C2CD3: variants seen among roughly 807,000 people sequenced by gnomAD.
C2CD3 encodes the protein C2 domain-containing protein 3.
C2CD3 carries 148 observed loss-of-function variants against 234.0 expected under a neutral mutation model. The ratio of observed to expected loss-of-function variants is 0.63; its 90% confidence interval spans 0.55 to 0.72. The LOEUF (loss-of-function observed/expected upper bound fraction) is 0.72, where lower values mean the gene tolerates loss of function less well. Ranked by LOEUF, C2CD3 falls within the 30% of genes least tolerant of loss-of-function variation. The probability of loss-of-function intolerance (pLI) is 0.00; values close to 1 mark genes in which losing one functional copy is unlikely to be tolerated. For missense variants in C2CD3, 2,577 were observed against 2,811.5 expected (o/e 0.92, Z 1.89); for synonymous variants, 1,000 against 1,035.4 (o/e 0.97, Z 0.66).
chr11:74,071,609 CAA>C (rs1396891880), intron 24 of C2CD3, among the ~76,000 whole-genome samples: 1 of 152,110 alleles, frequency 6.6e-6, no homozygotes, highest in East Asian at 1.9e-4. Context: ...CTGCTCGTGG[CAA>C]GGATTAAAGG....
At chr11:74,158,048 G>C (rs1157630808) in intron 3 of C2CD3, among the ~76,000 whole-genome samples, 4 of 152,190 alleles carry the variant, frequency 2.6e-5, no homozygotes, top group Non-Finnish European at 5.9e-5. Context: ...AAGTGGACTA[G>C]ACTTAAATGT....
chr11:74,025,756 C>A (rs1726755), intron 32 of C2CD3, among the ~76,000 whole-genome samples: 6,166 of 152,058 alleles, frequency 0.041, 412 homozygotes, highest in African/African-American at 0.14. Flanking sequence ...CTGCTTTTTT[C>A]CTCTAGGGTA....
chr11:74,060,239 C>T (rs1169493822), intron 24 of C2CD3, among the ~76,000 whole-genome samples: 26 of 152,326 alleles, frequency 1.7e-4, no homozygotes, highest in Admixed American at 1.4e-3. Context: ...CAGACTTAAA[C>T]GTCCCTGTCT....
Position 74,117,213 on chromosome 11 carries a change from A to AAT in C2CD3, c.1520+1013_1520+1014dup, listed in dbSNP as rs375646749. Among the ~76,000 whole-genome samples the AAT allele has an allele frequency of 2.8e-4, 20 of 70,594 alleles. 3 individuals are homozygous for AAT. The highest frequency in any genetic ancestry group is 2.1e-3 in the African/African-American group (20 of 9,352). 46.3% of individuals were successfully genotyped at this position (70,594 alleles called of 152,430 possible). ...ATATATATATGAATATATATATATGAATATATATATATGAATATATATATA... is the reference window on the plus strand; with the variant it reads ...ATATATATATGAATATATATATATGAATATATATATATATGAATATATATATA... On this transcript the variant is annotated intron_variant, in intron 9 of 32. Coordinates refer to ENST00000334126, the MANE Select transcript of C2CD3 (RefSeq NM_001286577.2).
At chr11:74,026,376 A>G (rs1461892656) in intron 32 of C2CD3, among the ~76,000 whole-genome samples, 4 of 152,042 alleles carry the variant, frequency 2.6e-5, no homozygotes, top group African/African-American at 9.7e-5. Flanking sequence ...AAATAAAATG[A>G]GACATCTTGA....
Position 74,078,629 on chromosome 11 carries a change from C to T in C2CD3, c.4089G>A (p.Leu1363=), listed in dbSNP as rs138474508. 1.3e-5 allele frequency: 21 copies of T among 1,614,088 alleles called. No individual in the cohort carries two copies. In the African/African-American group the frequency reaches 2.5e-4, roughly 19 times the overall value. The change falls in exon 23 of 33, where the codon CTG becomes CTA. Residue 1363 remains leucine, a synonymous_variant. Coordinates refer to ENST00000334126, the MANE Select transcript of C2CD3 (RefSeq NM_001286577.2). ...GATGCGTGAAGGAAATCGAAAGCTC[C>T]AGACCACCCACGATCTTCTGCATGA... is the stretch of plus-strand genomic sequence containing the variant. ...LELMQKIVGG[L]ELSISFTHRG...
At chr11:74,025,224 C>A (rs756255776) in intron 32 of C2CD3, among the ~76,000 whole-genome samples, 15 of 152,062 alleles carry the variant, frequency 9.9e-5, no homozygotes, top group Non-Finnish European at 1.8e-4. Context: ...TAAAATCCAA[C>A]TGGCTAGAAA....
At chr11:74,047,432 G>A (rs1953436976) in intron 28 of C2CD3, among the ~76,000 whole-genome samples, 2 of 152,128 alleles carry the variant, frequency 1.3e-5, no homozygotes, top group Admixed American at 1.3e-4. Flanking sequence ...AGATAACAAA[G>A]GAATTATCTA....
At chr11:74,141,447 T>C (rs1453381695) in intron 3 of C2CD3, among the ~76,000 whole-genome samples, 1 of 152,204 alleles carries the variant, frequency 6.6e-6, no homozygotes, top group African/African-American at 2.4e-5. Flanking sequence ...AGACTGCCTC[T>C]GCATTCTAGA....
chr11:74,144,434 TAC>T (rs1192199844), intron 3 of C2CD3, among the ~76,000 whole-genome samples: 1 of 151,898 alleles, frequency 6.6e-6, no homozygotes, highest in African/African-American at 2.4e-5. Flanking sequence ...ACACAATATG[TAC>T]AGTTTTTCTT....
chr11:74,109,231 G>C, intron 11 of C2CD3, 79 bp from the exon 12 acceptor site: 1 of 701,202 alleles, frequency 1.4e-6, no homozygotes, highest in Non-Finnish European at 2.4e-6. Context: ...GATACCACCT[G>C]CCTCCCTTTC....
At chr11:74,162,805 TCA>T (rs1029254300) in intron 2 of C2CD3, among the ~76,000 whole-genome samples, 5 of 152,226 alleles carry the variant, frequency 3.3e-5, no homozygotes, top group African/African-American at 1.2e-4. Flanking sequence ...GCAACAAATC[TCA>T]GTTTTCATTC....
intron 25 of C2CD3, among the ~76,000 whole-genome samples, chr11:74,056,078 T>C (rs1285920233): frequency 1.3e-5 from 2 of 152,182 alleles, no homozygotes; most frequent in Non-Finnish European, 2.9e-5. Flanking sequence ...TCACTATAGA[T>C]AGCACTGAGT....
Position 74,109,162 on chromosome 11 carries a change from G to A in C2CD3, c.1844-10C>T. On this transcript the variant is annotated splice_polypyrimidine_tract_variant and intron_variant, in intron 11 of 32. Transcript: ENST00000334126. ...TGCTGGAACTTCACCTCTGTAAGGA[G>A]AACCAGACACACAGACATGTCACAC... 1 of 1,460,324 alleles carries A rather than the reference G, an allele frequency of 6.8e-7. No homozygotes were observed. Among genetic ancestry groups the A allele is most frequent in the South Asian group, 1.3e-5 (1 of 79,772 alleles). The allele number at this position is 1,460,324 out of a possible 1,614,324, so 90.5% of individuals were successfully genotyped here.
At chr11:74,013,766 C>T (rs1951777152) in intron 32 of C2CD3, among the ~76,000 whole-genome samples, 1 of 152,222 alleles carries the variant, frequency 6.6e-6, no homozygotes. Flanking sequence ...CAAGGTCCCA[C>T]AGCTCTGAGT....
chr11:74,101,541 T>C (rs1012393087), intron 14 of C2CD3, among the ~76,000 whole-genome samples: 3 of 152,152 alleles, frequency 2.0e-5, no homozygotes, highest in Admixed American at 6.6e-5. Context: ...TTTCTGTTCC[T>C]TGAAACCAAA....
Position 74,048,418 on chromosome 11 carries a change from A to C in C2CD3, c.5362-80T>G, listed in dbSNP as rs546403517. On this transcript the variant is annotated intron_variant, in intron 27 of 32. Coordinates refer to ENST00000334126, the MANE Select transcript of C2CD3 (RefSeq NM_001286577.2). Reference sequence around the variant, plus strand: ...AAAGCAGTATATAAATAAGTTTGTAAAATTTATTGTGTGCATTTAATTTAC... The same window carrying C: ...AAAGCAGTATATAAATAAGTTTGTACAATTTATTGTGTGCATTTAATTTAC... 1,416 of 1,437,904 alleles carry C rather than the reference A, an allele frequency of 9.8e-4. 2 individuals are homozygous for C. Among genetic ancestry groups the C allele is most frequent in the Non-Finnish European group, 1.3e-3 (1,372 of 1,050,038 alleles). 89.1% of individuals were successfully genotyped at this position (1,437,904 alleles called of 1,614,324 possible). A position where few individuals can be genotyped will look rare whatever the true frequency, so the allele number is the denominator to read the frequency against.
chr11:74,020,724 C>T (rs564278884), intron 32 of C2CD3, among the ~76,000 whole-genome samples: 1 of 152,202 alleles, frequency 6.6e-6, no homozygotes, highest in African/African-American at 2.4e-5. Flanking sequence ...TGGCTTTGCA[C>T]ATTTGTTAAA....
chr11:74,113,541 G>A (rs1216558492), intron 11 of C2CD3: 1 of 460,974 alleles, frequency 2.2e-6, no homozygotes, highest in Non-Finnish European at 4.0e-6. Context: ...TTAGCTGGGT[G>A]TGGTGGCATA....
Sources: gnomAD v4.1 joint callset for allele counts (sites outside exome capture counted in the v4.1 genomes callset) on GRCh38, gnomAD v4.1.1 for gene constraint, MANE v1.5 for transcripts, NCBI Gene and HGNC (gene_info 2026-07-23, HGNC 2026-07-21) for gene names.